Variants in MAP2K4 observed in about 807,000 individuals in gnomAD.
MAP2K4 encodes dual specificity mitogen-activated protein kinase kinase 4.
In MAP2K4, 4 loss-of-function variants were observed where a neutral mutation model predicts 48.5. The observed-to-expected ratio is 0.08, with a 90% CI of 0.04 to 0.19. The LOEUF is 0.19. Among genes scored for constraint, MAP2K4 ranks in the 10% least tolerant of loss-of-function variants. MAP2K4 has a pLI of 1.00. For synonymous variants in MAP2K4, 166 were observed against 173.1 expected (o/e 0.96, Z 0.32); for missense variants, 258 against 493.3 (o/e 0.52, Z 4.52).
intron 8 of MAP2K4, 51 bp downstream of exon 8, chr17:12,125,422 T>C (rs772444359): frequency 6.8e-7 from 1 of 1,472,428 alleles, no homozygotes; most frequent in East Asian, 2.3e-5. Context: ...AATAAGAAAT[T>C]TAGAAGTGAA....
At chr17:12,110,491 T>C (rs1972268601) in intron 6 of MAP2K4, 65 bp downstream of exon 6, 1 of 1,142,578 alleles carries the variant, frequency 8.8e-7, no homozygotes, top group South Asian at 1.3e-5. Context: ...GTGAAACGGT[T>C]ATTGAAAATT....
intron 1 of MAP2K4, chr17:12,021,601 G>A (rs1969060383): frequency 7.3e-6 from 1 of 136,728 alleles, no homozygotes; most frequent in Admixed American, 7.3e-5. Context: ...GGGTTTCTGT[G>A]CGCTGGAAGG....
intron 9 of MAP2K4, among the ~76,000 whole-genome samples, chr17:12,133,064 T>C (rs1973083827): frequency 6.6e-6 from 1 of 152,094 alleles, no homozygotes; most frequent in Non-Finnish European, 1.5e-5. Context: ...TGATTACTTC[T>C]TGGGTTTTGT....
At chr17:12,048,720 G>A (rs1597411159) in intron 1 of MAP2K4, among the ~76,000 whole-genome samples, 1 of 151,870 alleles carries the variant, frequency 6.6e-6, no homozygotes, top group African/African-American at 2.4e-5. Flanking sequence ...GCAATGGCGC[G>A]ATCTCTGCTC....
chr17:12,124,247 C>T (rs755818076), intron 7 of MAP2K4: 3 of 152,174 alleles, frequency 2.0e-5, no homozygotes, highest in Non-Finnish European at 2.9e-5. Flanking sequence ...TCAGACTTAG[C>T]GAAGGATCCA....
At chr17:12,080,873 T>A (rs1357622202) in intron 2 of MAP2K4, among the ~76,000 whole-genome samples, 2 of 152,196 alleles carry the variant, frequency 1.3e-5, no homozygotes, top group African/African-American at 4.8e-5. Context: ...CCCAGGTGAT[T>A]GTAAGGTACA....
chr17:12,052,384 A>G (rs550330065), intron 1 of MAP2K4, among the ~76,000 whole-genome samples: 11 of 152,282 alleles, frequency 7.2e-5, no homozygotes, highest in Admixed American at 5.2e-4. Flanking sequence ...AAAGCTTTCA[A>G]TTTAGTTTTT....
intron 2 of MAP2K4, among the ~76,000 whole-genome samples, chr17:12,058,176 T>C (rs1970340738): frequency 6.6e-6 from 1 of 152,036 alleles, no homozygotes; most frequent in African/African-American, 2.4e-5. Context: ...CATGCCCCCT[T>C]TTTATTTTAG....
intron 3 of MAP2K4, among the ~76,000 whole-genome samples, chr17:12,083,329 ATTG>A (rs530900200): frequency 6.5e-4 from 99 of 152,336 alleles, no homozygotes; most frequent in African/African-American, 2.2e-3. Flanking sequence ...AAAATAGGAA[ATTG>A]TTGTCCATCA....
chr17:12,080,899 A>T (rs915370642), intron 2 of MAP2K4, among the ~76,000 whole-genome samples: 9 of 152,214 alleles, frequency 5.9e-5, no homozygotes, highest in South Asian at 2.1e-4. Context: ...CCTTGGGAAT[A>T]GTTGTACTAA....
At chr17:12,032,511 T>C (rs909159929) in intron 1 of MAP2K4, among the ~76,000 whole-genome samples, 2 of 152,148 alleles carry the variant, frequency 1.3e-5, no homozygotes, top group Admixed American at 1.3e-4. Context: ...GCAAAATATG[T>C]ATAGGTATTT....
At chr17:12,078,956 A>G (rs1196449503) in intron 2 of MAP2K4, among the ~76,000 whole-genome samples, 1 of 152,206 alleles carries the variant, frequency 6.6e-6, no homozygotes, top group African/African-American at 2.4e-5. Context: ...ATGTATGAAC[A>G]TGCCTTGGTG....
At chr17:12,030,748 T>G (rs1016093529) in intron 1 of MAP2K4, among the ~76,000 whole-genome samples, 1 of 152,198 alleles carries the variant, frequency 6.6e-6, no homozygotes, top group Admixed American at 6.5e-5. Context: ...TATTACTATT[T>G]TGTTCACCTC....
intron 1 of MAP2K4, 42 bp downstream of exon 1, chr17:12,021,043 G>A (rs771996965): frequency 2.2e-5 from 25 of 1,147,014 alleles, no homozygotes; most frequent in South Asian, 4.4e-5. Context: ...CCCCTAGCGC[G>A]GCAACCCGCG....
At chr17:12,092,174 C>T (rs1971584505) in intron 3 of MAP2K4, among the ~76,000 whole-genome samples, 1 of 152,060 alleles carries the variant, frequency 6.6e-6, no homozygotes, top group African/African-American at 2.4e-5. Flanking sequence ...GTTTGCTGAG[C>T]TCAAGTAAAC....
chr17:12,029,570 C>G (rs1193485842), intron 1 of MAP2K4, among the ~76,000 whole-genome samples: 1 of 152,054 alleles, frequency 6.6e-6, no homozygotes, highest in Non-Finnish European at 1.5e-5. Context: ...AACGGATTAT[C>G]TAGTACCTCC....
chr17:12,095,262 A>G (rs990521237), intron 3 of MAP2K4, among the ~76,000 whole-genome samples: 1 of 152,142 alleles, frequency 6.6e-6, no homozygotes, highest in African/African-American at 2.4e-5. Context: ...CATTTTCTTT[A>G]TATTTGCATG....
chr17:12,123,070 T>C (rs1357213527), intron 7 of MAP2K4, among the ~76,000 whole-genome samples: 1 of 152,226 alleles, frequency 6.6e-6, no homozygotes, highest in African/African-American at 2.4e-5. Context: ...GCAAGGGCTA[T>C]TAATTGTCTT....
intron 5 of MAP2K4, among the ~76,000 whole-genome samples, chr17:12,109,597 G>C (rs1464123171): frequency 6.6e-6 from 1 of 152,168 alleles, no homozygotes; most frequent in Non-Finnish European, 1.5e-5. Flanking sequence ...ATCATGATCA[G>C]TGACCAGGCA....
Sources: allele counts gnomAD v4.1 joint callset (sites outside exome capture counted in the v4.1 genomes callset), GRCh38; gene constraint gnomAD v4.1.1; transcripts MANE v1.5; gene names NCBI Gene and HGNC (gene_info 2026-07-23, HGNC 2026-07-21).